Variants in BBOX1 observed in about 807,000 individuals in gnomAD.
BBOX1 encodes the protein gamma-butyrobetaine hydroxylase 1.
In BBOX1, 35 loss-of-function variants were observed where a neutral mutation model predicts 41.6. That is an observed-to-expected ratio of 0.84 (90% confidence interval 0.64 to 1.11). The LOEUF (loss-of-function observed/expected upper bound fraction) is 1.11, where lower values mean the gene tolerates loss of function less well. BBOX1 is among the 50% of genes most tolerant of loss of function. BBOX1 has a pLI of 0.00. For missense variants in BBOX1, 458 were observed against 460.6 expected, an observed-to-expected ratio of 0.99 and a Z score of 0.05; for synonymous variants, 163 against 154.7, an observed-to-expected ratio of 1.05 and a Z score of -0.40.
chr11:27,078,569 C>T (rs1857716027), intron 4 of BBOX1, among the ~76,000 whole-genome samples: 1 of 152,080 alleles, frequency 6.6e-6, no homozygotes, highest in African/African-American at 2.4e-5. Flanking sequence ...TCTCAGCAAA[C>T]TATCACAAGA....
intron 4 of BBOX1, among the ~76,000 whole-genome samples, chr11:27,079,362 G>A (rs1478711318): frequency 6.6e-6 from 1 of 152,118 alleles, no homozygotes; most frequent in East Asian, 1.9e-4. Context: ...TTGGAAGAAA[G>A]TGATCCTGTG....
intron 4 of BBOX1, among the ~76,000 whole-genome samples, chr11:27,074,148 C>T (rs1362698063): frequency 6.6e-6 from 1 of 152,020 alleles, no homozygotes; most frequent in Admixed American, 6.6e-5. Flanking sequence ...CTTCACCTTC[C>T]ACCATGACTG....
intron 4 of BBOX1, among the ~76,000 whole-genome samples, chr11:27,058,476 TG>T (rs768152215): frequency 6.6e-6 from 1 of 152,098 alleles, no homozygotes; most frequent in Non-Finnish European, 1.5e-5. Flanking sequence ...AACAGGCAAA[TG>T]TTGGAAGAGT....
At chr11:27,126,694 G>C (rs954242728) in intron 8 of BBOX1, among the ~76,000 whole-genome samples, 3 of 68,748 alleles carry the variant, frequency 4.4e-5, no homozygotes, top group African/African-American at 1.8e-4. Flanking sequence ...TTTTTTTTTT[G>C]AGACGGAGTC....
At chr11:27,082,681 A>C (rs1857889313) in intron 4 of BBOX1, among the ~76,000 whole-genome samples, 1 of 152,032 alleles carries the variant, frequency 6.6e-6, no homozygotes, top group Non-Finnish European at 1.5e-5. Flanking sequence ...CTGTTATGGG[A>C]TTGTTGTGAG....
At chr11:27,084,194 T>C (rs1429102528) in intron 4 of BBOX1, among the ~76,000 whole-genome samples, 4 of 152,156 alleles carry the variant, frequency 2.6e-5, no homozygotes, top group Non-Finnish European at 4.4e-5. Flanking sequence ...CTAAGGTATA[T>C]CCTACAGTGT....
intron 4 of BBOX1, among the ~76,000 whole-genome samples, chr11:27,066,120 T>TA (rs1857271961): frequency 6.6e-6 from 1 of 152,220 alleles, no homozygotes; most frequent in Admixed American, 6.5e-5. Context: ...TTATTACTTT[T>TA]TAAACAAGGA....
intron 2 of BBOX1, among the ~76,000 whole-genome samples, chr11:27,046,918 A>ATG (rs10684089): frequency 0.36 from 53,470 of 148,544 alleles, 9,640 homozygotes; most frequent in Middle Eastern, 0.46. Flanking sequence ...ATGATCTGCA[A>ATG]TTTTTTTTTT....
chr11:27,108,979 A>G (rs1858960836), intron 5 of BBOX1, among the ~76,000 whole-genome samples: 1 of 152,064 alleles, frequency 6.6e-6, no homozygotes, highest in African/African-American at 2.4e-5. Context: ...TCATTCAGTC[A>G]AAATTTATTG....
At chr11:27,065,206 T>C (rs1310036579) in intron 4 of BBOX1, among the ~76,000 whole-genome samples, 1 of 152,144 alleles carries the variant, frequency 6.6e-6, no homozygotes, top group Non-Finnish European at 1.5e-5. Context: ...TTGCCATAAT[T>C]TTCTCACTGG....
At chr11:27,047,704 G>A (rs574978345) in intron 2 of BBOX1, among the ~76,000 whole-genome samples, 11 of 151,986 alleles carry the variant, frequency 7.2e-5, no homozygotes, top group Non-Finnish European at 1.2e-4. Context: ...TAAATCATCC[G>A]TATGCTAGTA....
chr11:27,111,565 T>C (rs1302457631), intron 5 of BBOX1, among the ~76,000 whole-genome samples: 1 of 152,046 alleles, frequency 6.6e-6, no homozygotes, highest in African/African-American at 2.4e-5. Context: ...TTGTGTGTCA[T>C]TTAGTACATT....
At chr11:27,055,028 A>C (rs1416834754) in intron 2 of BBOX1, among the ~76,000 whole-genome samples, 1 of 152,148 alleles carries the variant, frequency 6.6e-6, no homozygotes, top group African/African-American at 2.4e-5. Context: ...TTACACTTTC[A>C]ATTTGTGGAA....
At chr11:27,078,207 A>G (rs1283668639) in intron 4 of BBOX1, among the ~76,000 whole-genome samples, 2 of 152,110 alleles carry the variant, frequency 1.3e-5, no homozygotes, top group African/African-American at 4.8e-5. Flanking sequence ...TTATCCCTAA[A>G]CCAAGCCACA....
At chr11:27,063,197 A>G (rs1857183228) in intron 4 of BBOX1, 2 of 152,176 alleles carry the variant, frequency 1.3e-5, no homozygotes, top group Non-Finnish European at 2.9e-5. Flanking sequence ...CTGAAATCCT[A>G]ACACTTGAAG....
At chr11:27,076,157 T>A (rs766022274) in intron 4 of BBOX1, among the ~76,000 whole-genome samples, 1 of 152,154 alleles carries the variant, frequency 6.6e-6, no homozygotes, top group Non-Finnish European at 1.5e-5. Context: ...AGCCACCTAG[T>A]GGGGCTGCCA....
intron 4 of BBOX1, among the ~76,000 whole-genome samples, chr11:27,080,562 C>A (rs1857800322): frequency 6.6e-6 from 1 of 152,040 alleles, no homozygotes; most frequent in Non-Finnish European, 1.5e-5. Context: ...TGCCCCTTAG[C>A]AGTTTACATT....
At chr11:27,095,742 T>C (rs1413054196) in intron 5 of BBOX1, among the ~76,000 whole-genome samples, 2 of 152,016 alleles carry the variant, frequency 1.3e-5, no homozygotes, top group African/African-American at 4.8e-5. Flanking sequence ...GTTTTTGTTA[T>C]TGTTGTTTTA....
chr11:27,075,453 G>A (rs1857601688), intron 4 of BBOX1, among the ~76,000 whole-genome samples: 3 of 152,106 alleles, frequency 2.0e-5, no homozygotes, highest in Admixed American at 1.3e-4. Flanking sequence ...TGAAGCAGAT[G>A]GGTAAATGCA....
Sources: gnomAD v4.1 joint callset for allele counts (sites outside exome capture counted in the v4.1 genomes callset) on GRCh38, gnomAD v4.1.1 for gene constraint, MANE v1.5 for transcripts, NCBI Gene and HGNC (gene_info 2026-07-23, HGNC 2026-07-21) for gene names.